CCNB1IP1: variants seen among roughly 807,000 people sequenced by gnomAD.
CCNB1IP1 encodes the protein E3 ubiquitin-protein ligase CCNB1IP1.
CCNB1IP1 carries 14 observed loss-of-function variants against 25.6 expected under a neutral mutation model. The ratio of observed to expected loss-of-function variants is 0.55; its 90% CI spans 0.36 to 0.85. The LOEUF is 0.85. Among genes scored for constraint, CCNB1IP1 ranks in the 40% least tolerant of loss-of-function variants. The pLI is 0.01. For missense variants in CCNB1IP1, 278 were observed against 342.4 expected (o/e 0.81, Z 1.48); for synonymous variants, 119 against 116.1 (o/e 1.02, Z -0.16).
At chr14:20,312,931 T>C (rs1465456657) in intron 6 of CCNB1IP1, among the ~76,000 whole-genome samples, 1 of 152,108 alleles carries the variant, frequency 6.6e-6, no homozygotes, top group Non-Finnish European at 1.5e-5. Flanking sequence ...ACTTAAGAAC[T>C]GTACAATCAG....
At chr14:20,313,842 A>G in intron 5 of CCNB1IP1, 41 bp from the exon 6 acceptor site, 1 of 1,389,836 alleles carries the variant, frequency 7.2e-7, no homozygotes, top group South Asian at 1.4e-5. Flanking sequence ...TATTGGGTAC[A>G]AAGTTATATA....
At chr14:20,332,965 C>G (rs999721400) in intron 1 of CCNB1IP1, 1 of 152,130 alleles carries the variant, frequency 6.6e-6, no homozygotes, top group Non-Finnish European at 1.5e-5. Flanking sequence ...ATGAAGCCGG[C>G]GTTTTCCAAG....
chr14:20,317,423 T>C (rs575526146), intron 4 of CCNB1IP1, among the ~76,000 whole-genome samples: 1 of 151,774 alleles, frequency 6.6e-6, no homozygotes, highest in Non-Finnish European at 1.5e-5. Context: ...AAAGTTGCCT[T>C]GGCCCTCCAG....
intron 4 of CCNB1IP1, chr14:20,318,323 A>G (rs1422074185): frequency 6.6e-6 from 1 of 152,080 alleles, no homozygotes; most frequent in Non-Finnish European, 1.5e-5. Context: ...AAATACAAAA[A>G]TTAGCTGGGC....
chr14:20,311,488 G>A lies in CCNB1IP1; in HGVS notation c.*62C>T, dbSNP rs1363897470. The A allele has an allele frequency of 9.1e-6, 13 of 1,434,022 alleles. No individual in the cohort carries two copies. Among genetic ancestry groups the A allele is most frequent in the Non-Finnish European group, 1.2e-5 (12 of 1,019,840 alleles). 88.8% of individuals were successfully genotyped at this position (1,434,022 alleles called of 1,614,324 possible). A position where few individuals can be genotyped will look rare whatever the true frequency, so the allele number is the denominator to read the frequency against. On this transcript the variant is annotated 3_prime_UTR_variant, in exon 7 of 7. Coordinates refer to ENST00000358932, the MANE Select transcript of CCNB1IP1 (RefSeq NM_021178.5). ...AAGCCTCAGACTCCTGGGCTCAAGT[G>A]ATCCTCCCAGCCTCAACCTCCTAAG...
chr14:20,321,476 G>A (rs919871722), intron 4 of CCNB1IP1, among the ~76,000 whole-genome samples: 3 of 150,016 alleles, frequency 2.0e-5, no homozygotes, highest in Non-Finnish European at 4.4e-5. Context: ...TTTTTGAGAC[G>A]GAGTCTTGCT....
chr14:20,321,751 T>A (rs1242116931), intron 4 of CCNB1IP1, among the ~76,000 whole-genome samples: 1 of 152,170 alleles, frequency 6.6e-6, no homozygotes, highest in Non-Finnish European at 1.5e-5. Flanking sequence ...AATCTTAATT[T>A]AAAGAATACG....
chr14:20,332,821 A>C (rs1883292504), intron 1 of CCNB1IP1: 2 of 152,258 alleles, frequency 1.3e-5, no homozygotes, highest in Admixed American at 1.3e-4. Context: ...CCCAGTAAGG[A>C]CCTGGGCCCT....
chr14:20,326,981 A>G (rs920621622), intron 2 of CCNB1IP1, among the ~76,000 whole-genome samples, 188 bp from the exon 3 acceptor site: 1 of 152,086 alleles, frequency 6.6e-6, no homozygotes, highest in Non-Finnish European at 1.5e-5. Context: ...CCCAAGCTCA[A>G]TATCAAATAG....
chr14:20,312,024 G>A (rs922719841), intron 6 of CCNB1IP1, among the ~76,000 whole-genome samples: 3 of 152,110 alleles, frequency 2.0e-5, no homozygotes, highest in Admixed American at 1.3e-4. Flanking sequence ...GCAGATAATA[G>A]ATCTGATTAA....
chr14:20,311,655 G>A lies in CCNB1IP1; in HGVS notation c.729C>T (p.Pro243=). Residue 243 remains proline, a synonymous_variant, in exon 7 of 7, where the codon CCC becomes CCT. Transcript: ENST00000358932. ...FQFRPFFAGS[P]TAPEPSNSFF... The stretch of plus-strand genomic sequence containing the variant: ...AGCTGTTGCTGGGTTCAGGTGCTGT[G>A]GGAGAACCCGCAAAAAATGGTCTGA... 3 of 1,614,022 alleles carry A rather than the reference G, an allele frequency of 1.9e-6. No individual in the cohort carries two copies. The highest frequency in any genetic ancestry group is 2.5e-6 in the Non-Finnish European group (3 of 1,179,940).
intron 6 of CCNB1IP1, 78 bp from the exon 7 acceptor site, chr14:20,311,830 A>G (rs1358998827): frequency 2.4e-6 from 2 of 823,926 alleles, no homozygotes; most frequent in East Asian, 5.4e-5. Context: ...ATCATCAAAT[A>G]TATATATATG....
In CCNB1IP1 at chr14:20,316,674, T is replaced by C. The variant is rs867992733; in HGVS notation, c.-37-114A>G. ...TAAAATACTGCACATTTTATTATAT[T>C]CCTTGTATTTATTATAATTGATATA... is the stretch of plus-strand genomic sequence containing the variant. On this transcript the variant is annotated intron_variant, in intron 4 of 6. Transcript: ENST00000358932. The C allele has an allele frequency of 2.8e-4, 165 of 589,170 alleles. No homozygotes were observed. The Middle Eastern group carries it at 3.1e-3, about 11-fold the overall frequency. 36.5% of individuals were successfully genotyped at this position (589,170 alleles called of 1,614,324 possible).
intron 2 of CCNB1IP1, among the ~76,000 whole-genome samples, chr14:20,327,470 G>C (rs1024323924): frequency 2.6e-5 from 4 of 151,326 alleles, no homozygotes; most frequent in African/African-American, 4.9e-5. Flanking sequence ...CAAGATGGCA[G>C]TGTAAGAAAG....
At chr14:20,326,693 G>A (rs1883087197) in intron 3 of CCNB1IP1, 23 bp downstream of exon 3, 7 of 312,588 alleles carry the variant, frequency 2.2e-5, no homozygotes, top group East Asian at 8.5e-5. Context: ...AGGTAAAAAC[G>A]AAGATTTTGC....
chr14:20,332,579 GCTGTAAA>G (rs1352177698), intron 1 of CCNB1IP1, among the ~76,000 whole-genome samples: 4 of 152,168 alleles, frequency 2.6e-5, no homozygotes, highest in Non-Finnish European at 2.9e-5. Flanking sequence ...GGTCACCAGA[GCTGTAAA>G]CTGTGGCGCT....
intron 4 of CCNB1IP1, among the ~76,000 whole-genome samples, chr14:20,324,107 A>C (rs1443216656): frequency 6.6e-6 from 1 of 152,172 alleles, no homozygotes; most frequent in Admixed American, 6.5e-5. Context: ...TCTAGAACTT[A>C]ATTAAGTTTT....
At chr14:20,332,379 T>A (rs978022739) in intron 1 of CCNB1IP1, among the ~76,000 whole-genome samples, 3 of 137,232 alleles carry the variant, frequency 2.2e-5, no homozygotes, top group Non-Finnish European at 3.1e-5. Context: ...TTCAGTGAAA[T>A]GACATTGAAG....
intron 4 of CCNB1IP1, chr14:20,320,493 TA>T (rs11292211): frequency 0.42 from 136,615 of 327,844 alleles, 31,340 homozygotes; most frequent in African/African-American, 0.68. Flanking sequence ...TTATTGGCTA[TA>T]AAAAAACAAG....
Sources: gnomAD v4.1 joint callset for allele counts (sites outside exome capture counted in the v4.1 genomes callset) on GRCh38, gnomAD v4.1.1 for gene constraint, MANE v1.5 for transcripts, NCBI Gene and HGNC (gene_info 2026-07-23, HGNC 2026-07-21) for gene names.